Variants in EMC1 observed in about 807,000 individuals in gnomAD.
EMC1 encodes the protein KIAA0090.
EMC1 carries 103 observed loss-of-function variants against 128.8 expected under a neutral mutation model. The ratio of observed to expected loss-of-function variants is 0.80; its 90% CI spans 0.68 to 0.94. EMC1 has a LOEUF of 0.94. Among genes scored for constraint, EMC1 ranks in the 40% least tolerant of loss-of-function variants. The pLI, the probability that EMC1 is intolerant of heterozygous loss-of-function variation, is 0.00. For synonymous variants in EMC1, 442 were observed against 490.4 expected (o/e 0.90, Z 1.30); for missense variants, 1,083 against 1,250.6 (o/e 0.87, Z 2.02).
intron 9 of EMC1, 118 bp from the exon 10 acceptor site, chr1:19,238,975 C>A: frequency 1.2e-6 from 1 of 808,288 alleles, no homozygotes. Context: ...TCATTTCTCA[C>A]CCCTGCCCAC....
chr1:19,241,643 G>A (rs528529924), intron 5 of EMC1, among the ~76,000 whole-genome samples: 2 of 152,048 alleles, frequency 1.3e-5, no homozygotes, highest in African/African-American at 2.4e-5. Context: ...AGCCTCCCAA[G>A]TAGCTGGGAT....
At chr1:19,247,044 G>C (rs1426572654) in intron 1 of EMC1, among the ~76,000 whole-genome samples, 2 of 152,186 alleles carry the variant, frequency 1.3e-5, no homozygotes, top group Non-Finnish European at 2.9e-5. Flanking sequence ...CCTTTTGCAA[G>C]CCAATGAGCG....
chr1:19,225,518 G>A lies in EMC1; in HGVS notation c.2202+1795C>T, dbSNP rs150732020. ...AAAATTTAGCTGGGCATGGTGGTGC[G>A]CGCTTGTAGTCCCAGCTACTCGGGA... On this transcript the variant is annotated intron_variant, in intron 18 of 22. Coordinates refer to ENST00000477853, the MANE Select transcript of EMC1 (RefSeq NM_015047.3). Among the ~76,000 whole-genome samples, 1,115 of 152,178 alleles carry A rather than the reference G, an allele frequency of 7.3e-3. 10 individuals carry two copies. Among genetic ancestry groups the A allele is most frequent in the African/African-American group, 0.024 (997 of 41,524 alleles).
intron 2 of EMC1, 25 bp downstream of exon 2, chr1:19,244,881 T>G (rs548432642): frequency 6.2e-7 from 1 of 1,612,582 alleles, no homozygotes; most frequent in Middle Eastern, 1.7e-4. Context: ...AGGCAGCCAG[T>G]AGACACAGTT....
At chr1:19,239,190 A>G (rs1371539140) in intron 9 of EMC1, 41 bp downstream of exon 9, 2 of 1,571,156 alleles carry the variant, frequency 1.3e-6, no homozygotes, top group Non-Finnish European at 1.8e-6. Flanking sequence ...GGAGACCAGG[A>G]AGGAAAATCC....
intron 1 of EMC1, among the ~76,000 whole-genome samples, chr1:19,246,037 C>T (rs1036638099): frequency 6.6e-6 from 1 of 150,584 alleles, no homozygotes; most frequent in East Asian, 2.0e-4. Flanking sequence ...CCCAGGAGGT[C>T]GAGGCTGCAG....
At chr1:19,220,977 A>G in intron 20 of EMC1, 129 bp from the exon 21 acceptor site, 1 of 578,432 alleles carries the variant, frequency 1.7e-6, no homozygotes, top group Middle Eastern at 2.7e-4. Context: ...GCTCCCTTAC[A>G]TAGCCAAAAA....
At chr1:19,251,066 C>T (rs2093656863) in intron 1 of EMC1, among the ~76,000 whole-genome samples, 2 of 152,170 alleles carry the variant, frequency 1.3e-5, no homozygotes, top group African/African-American at 4.8e-5. Context: ...GACAGCTTGG[C>T]GACCTCTGAC....
intron 8 of EMC1, 100 bp downstream of exon 8, chr1:19,239,718 C>A: frequency 7.8e-7 from 1 of 1,275,664 alleles, no homozygotes; most frequent in East Asian, 2.4e-5. Context: ...CAATCTTGGG[C>A]CTAAGAGCAA....
chr1:19,219,663 T>C lies in EMC1; in HGVS notation c.2708A>G (p.Gln903Arg). The part of the protein sequence containing the change: ...ENLIPYSPDV[Q>R]IHAERFINYN... ...GTTGATGAATCGCTCTGCGTGTATCTGTACATCTGGAGAATACGGGATTAA... is the reference window on the plus strand; with the variant it reads ...GTTGATGAATCGCTCTGCGTGTATCCGTACATCTGGAGAATACGGGATTAA... Residue 903 changes from glutamine to arginine, a missense_variant, in exon 22 of 23, where the codon CAG becomes CGG. Around this residue, in one of 3 missense-constraint regions of EMC1, gnomAD observed 527 missense variants for 644.1 expected, o/e 0.82. Coordinates refer to ENST00000477853, the MANE Select transcript of EMC1 (RefSeq NM_015047.3). 1 of 1,614,064 alleles carries C rather than the reference T, an allele frequency of 6.2e-7. No homozygotes were observed. The highest frequency in any genetic ancestry group is 2.2e-5 in the East Asian group (1 of 44,850).
At chr1:19,237,366 A>G in intron 11 of EMC1, 128 bp from the exon 12 acceptor site, 1 of 727,258 alleles carries the variant, frequency 1.4e-6, no homozygotes, top group Non-Finnish European at 2.5e-6. Context: ...TGTCTAAACA[A>G]TGTAGCTATT....
In EMC1 at chr1:19,248,820, G is replaced by A. The variant is rs575816936; in HGVS notation, c.95+2595C>T. On this transcript the variant is annotated intron_variant, in intron 1 of 22. Transcript: ENST00000477853. Reference sequence around the variant, plus strand: ...GCCACTGCGCCCGGCCTGTGTCTTAGTTTTTAACAAAATAGTTTAAGACTG... The same window carrying A: ...GCCACTGCGCCCGGCCTGTGTCTTAATTTTTAACAAAATAGTTTAAGACTG... Among the ~76,000 whole-genome samples the A allele has an allele frequency of 3.2e-4, 48 of 152,108 alleles. 1 individual carries two copies. The highest frequency in any genetic ancestry group is 1.1e-3 in the African/African-American group (47 of 41,488).
chr1:19,234,209 T>C, intron 13 of EMC1: 1 of 984,450 alleles, frequency 1.0e-6, no homozygotes, highest in Non-Finnish European at 1.2e-6. Flanking sequence ...GCAGCAGAAA[T>C]AAACAGTAAA....
In EMC1 at chr1:19,243,931, A is replaced by C. The variant is rs762885290; in HGVS notation, c.286+19T>G. The C allele has an allele frequency of 6.2e-7, 1 of 1,613,656 alleles. No homozygotes were observed. Among genetic ancestry groups the C allele is most frequent in the Non-Finnish European group, 8.5e-7 (1 of 1,179,618 alleles). ...AGGGAGCTGGCCGCACAATGGAGACACGGGAGGACTCTGCTTACCCTGTCC... is the reference window on the plus strand; with the variant it reads ...AGGGAGCTGGCCGCACAATGGAGACCCGGGAGGACTCTGCTTACCCTGTCC... On this transcript the variant is annotated intron_variant, in intron 3 of 22. Transcript: ENST00000477853.
chr1:19,219,727 C>G (rs376616400), intron 21 of EMC1, 29 bp from the exon 22 acceptor site: 1 of 1,613,552 alleles, frequency 6.2e-7, no homozygotes, highest in African/African-American at 1.3e-5. Flanking sequence ...GACAGGCAGT[C>G]TGAGCACTGC....
rs1569583199 is a variant in EMC1 at position 19,251,497 on chromosome 1, A to C, written c.13T>G (p.Trp5Gly). 2 of 1,614,062 alleles carry C rather than the reference A, an allele frequency of 1.2e-6. No individual in the cohort carries two copies. Among genetic ancestry groups the C allele is most frequent in the East Asian group, 2.2e-5 (1 of 44,880 alleles). The change falls in exon 1 of 23, where the codon TGG (tryptophan) becomes GGG (glycine). Residue 5 changes from tryptophan to glycine, a missense_variant. Around this residue, in one of 3 missense-constraint regions of EMC1, gnomAD observed 544 missense variants for 572.4 expected, o/e 0.95. Coordinates refer to ENST00000477853, the MANE Select transcript of EMC1 (RefSeq NM_015047.3). ...GCCCAAAGCCAGAAACGAGAAGCCC[A>C]CTCAGCCGCCATGATGCGAGCGCAT... is the stretch of plus-strand genomic sequence containing the variant. MAAEWASRFWLWATL... is the reference protein window; with the variant it reads MAAEGASRFWLWATL...
chr1:19,225,778 C>T (rs1233385989), intron 18 of EMC1, among the ~76,000 whole-genome samples: 1 of 150,708 alleles, frequency 6.6e-6, no homozygotes, highest in Non-Finnish European at 1.5e-5. Flanking sequence ...GTGATCACAC[C>T]ACTGCACTCC....
At chr1:19,224,746 T>G (rs1286639368) in intron 18 of EMC1, among the ~76,000 whole-genome samples, 1 of 152,230 alleles carries the variant, frequency 6.6e-6, no homozygotes, top group African/African-American at 2.4e-5. Flanking sequence ...CAGTGGCTCT[T>G]CACCGTGCTC....
chr1:19,232,552 G>A, intron 15 of EMC1, 72 bp downstream of exon 15: 1 of 1,553,444 alleles, frequency 6.4e-7, no homozygotes, highest in East Asian at 2.2e-5. Flanking sequence ...CAAGGGCCTA[G>A]GAGCAATTTA....
Sources: allele counts gnomAD v4.1 joint callset (sites outside exome capture counted in the v4.1 genomes callset), GRCh38; gene constraint gnomAD v4.1.1; regional missense constraint gnomAD v4.1.1; transcripts MANE v1.5; gene names NCBI Gene and HGNC (gene_info 2026-07-23, HGNC 2026-07-21).